Variants in SVIL observed in about 807,000 individuals in gnomAD.
The protein encoded by SVIL is archvillin.
Under a neutral mutation model 240.4 loss-of-function variants are expected in SVIL, and 101 were observed. That is an observed-to-expected ratio of 0.42 (90% CI 0.36 to 0.50). The LOEUF (loss-of-function observed/expected upper bound fraction) is 0.50. SVIL is among the 20% of genes least tolerant of loss of function. The pLI, the probability that SVIL is intolerant of heterozygous loss-of-function variation, is 0.01. For synonymous variants in SVIL, 999 were observed against 1,100.0 expected (o/e 0.91, Z 1.82); for missense variants, 2,512 against 2,818.7 (o/e 0.89, Z 2.46).
In SVIL at chr10:29,499,140, C is replaced by T. The variant is rs1360929665; in HGVS notation, c.3640G>A (p.Val1214Met). ...GAANDSTQFT[V>M]AGRMVKKGLA... ...CCTTTCTTCACCATCCTGCCAGCCA[C>T]AGTGAACTGGGTCGAGTCGTTGGCC... The change falls in exon 18 of 38, where the codon GTG (valine) becomes ATG (methionine). Residue 1214 changes from valine to methionine, a missense_variant. Physicochemically the swap from Val to Met is conservative, Grantham distance 21. Around this residue, in one of 3 missense-constraint regions of SVIL, gnomAD observed 272 missense variants for 406.8 expected, o/e 0.67. Coordinates refer to ENST00000355867, the MANE Select transcript of SVIL (RefSeq NM_021738.3). 2 of 1,612,156 alleles carry T rather than the reference C, an allele frequency of 1.2e-6. No homozygotes were observed. The highest frequency in any genetic ancestry group is 1.1e-5 in the South Asian group (1 of 90,794).
chr10:29,578,566 C>G (rs1287138905), intron 1 of SVIL, among the ~76,000 whole-genome samples: 1 of 152,192 alleles, frequency 6.6e-6, no homozygotes, highest in Non-Finnish European at 1.5e-5. Flanking sequence ...GCCCTGCCTA[C>G]CAACATTGAA....
intron 22 of SVIL, among the ~76,000 whole-genome samples, chr10:29,489,722 A>T (rs1947769801): frequency 6.6e-6 from 1 of 151,712 alleles, no homozygotes; most frequent in South Asian, 2.1e-4. Flanking sequence ...TAATTTTTTC[A>T]TTTTTTGTAG....
At chr10:29,658,864 G>A (rs1480788551) in intron 2 of SVIL, among the ~76,000 whole-genome samples, 1 of 152,200 alleles carries the variant, frequency 6.6e-6, no homozygotes, top group Admixed American at 6.6e-5. Flanking sequence ...CACGAAGTTG[G>A]ATGGAACTAA....
chr10:29,601,491 AG>A (rs1283500433), intron 1 of SVIL, among the ~76,000 whole-genome samples: 1 of 152,196 alleles, frequency 6.6e-6, no homozygotes, highest in African/African-American at 2.4e-5. Context: ...GTTCTAGGAG[AG>A]GTTTAAGCCT....
chr10:29,729,566 T>C (rs943417019), intron 1 of SVIL, among the ~76,000 whole-genome samples: 2 of 150,692 alleles, frequency 1.3e-5, no homozygotes, highest in Non-Finnish European at 2.9e-5. Flanking sequence ...CCGGGTGCGG[T>C]GGCTCACACC....
At chr10:29,529,202 A>T (rs1295447365) in intron 12 of SVIL, among the ~76,000 whole-genome samples, 2 of 145,110 alleles carry the variant, frequency 1.4e-5, no homozygotes, top group Non-Finnish European at 3.1e-5. Context: ...AAAAAAAAAA[A>T]AGAAAAAAAG....
At chr10:29,518,124 A>C (rs896553445) in intron 16 of SVIL, among the ~76,000 whole-genome samples, 6 of 152,228 alleles carry the variant, frequency 3.9e-5, no homozygotes, top group African/African-American at 1.2e-4. Flanking sequence ...TGTGGTGATC[A>C]CGTCTGCAAT....
At chr10:29,605,620 G>C (rs1956990117) in intron 1 of SVIL, among the ~76,000 whole-genome samples, 2 of 149,634 alleles carry the variant, frequency 1.3e-5, no homozygotes, top group East Asian at 3.9e-4. Flanking sequence ...CCATTTGTTT[G>C]TGATGTGAGT....
intron 27 of SVIL, among the ~76,000 whole-genome samples, chr10:29,482,141 G>A (rs1473046140): frequency 6.6e-6 from 1 of 150,400 alleles, no homozygotes; most frequent in African/African-American, 2.4e-5. Flanking sequence ...TGATCCTCCT[G>A]CCTCAGCCTT....
At chr10:29,610,609 C>T (rs761444393) in intron 1 of SVIL, among the ~76,000 whole-genome samples, 32 of 152,138 alleles carry the variant, frequency 2.1e-4, no homozygotes, top group African/African-American at 5.8e-4. Context: ...TTAGTAGAGA[C>T]GAGGTTTCAC....
At chr10:29,593,628 T>A (rs189210814) in intron 1 of SVIL, among the ~76,000 whole-genome samples, 16 of 152,292 alleles carry the variant, frequency 1.1e-4, no homozygotes, top group Admixed American at 9.2e-4. Flanking sequence ...CACCTCTAAT[T>A]CAAACCTTCT....
At chr10:29,581,401 T>G (rs1443545397) in intron 1 of SVIL, among the ~76,000 whole-genome samples, 1 of 152,198 alleles carries the variant, frequency 6.6e-6, no homozygotes, top group African/African-American at 2.4e-5. Context: ...CTGTGAATTT[T>G]GGTTAGTGGT....
rs146446036 is a variant in SVIL at position 29,529,705 on chromosome 10, G to T, written c.2246C>A (p.Thr749Asn). The part of the protein sequence containing the change: ...ITTEEVVIAA[T>N]EPIPASCSGG... Reference sequence around the variant, plus strand: ...GCTGAGAAGTCCTGTGGGCACTTACGTGGCTGCGATGACCACCTCTTCAGT... The same window carrying T: ...GCTGAGAAGTCCTGTGGGCACTTACTTGGCTGCGATGACCACCTCTTCAGT... Residue 749 changes from threonine to asparagine, a missense_variant and splice_region_variant, in exon 12 of 38, where the codon ACT becomes AAT. Thr to Asn is a moderately conservative substitution (Grantham distance 65). This residue lies in a region of SVIL where 1,443 missense variants were observed against 1,486.6 expected (regional missense o/e 0.97). Transcript: ENST00000355867. 4.4e-6 allele frequency: 7 copies of T among 1,599,960 alleles called. No individual in the cohort carries two copies.
At chr10:29,635,766 G>A (rs1958288470), upstream of SVIL, among the ~76,000 whole-genome samples, 2 of 152,058 alleles carry the variant, frequency 1.3e-5, no homozygotes, top group Non-Finnish European at 2.9e-5. Flanking sequence ...TGTCCCTGTC[G>A]GTACCAAGAA....
At chr10:29,498,290 G>A (rs150409352) in intron 18 of SVIL, among the ~76,000 whole-genome samples, 8 of 151,074 alleles carry the variant, frequency 5.3e-5, no homozygotes, top group African/African-American at 1.7e-4. Context: ...TGGTGGTGGC[G>A]GCCTGTAATC....
chr10:29,572,777 A>AAAAG (rs1554860639), intron 1 of SVIL, among the ~76,000 whole-genome samples: 5 of 149,742 alleles, frequency 3.3e-5, no homozygotes, highest in African/African-American at 9.8e-5. Flanking sequence ...AAAAAAAAAA[A>AAAAG]AAAAGAAAAA....
At chr10:29,700,468 C>CTTTTTTTTTTT (rs71281545) in intron 1 of SVIL, among the ~76,000 whole-genome samples, 1 of 113,106 alleles carries the variant, frequency 8.8e-6, no homozygotes, top group Non-Finnish European at 1.7e-5. Context: ...TTACTATTTC[C>CTTTTTTTTTTT]TTTTTTTTTT....
intron 1 of SVIL, among the ~76,000 whole-genome samples, chr10:29,686,884 TA>T (rs150319984): frequency 0.017 from 2,624 of 152,284 alleles, 73 homozygotes; most frequent in African/African-American, 0.058. Flanking sequence ...AAATCATGAC[TA>T]AAATTGTTTT....
At chr10:29,469,907 G>A (rs1242547697) in intron 32 of SVIL, among the ~76,000 whole-genome samples, 2 of 152,164 alleles carry the variant, frequency 1.3e-5, no homozygotes, top group East Asian at 3.9e-4. Flanking sequence ...TCTGGCAAAC[G>A]AAAACTCCAC....
Sources: gnomAD v4.1 joint callset for allele counts (sites outside exome capture counted in the v4.1 genomes callset) on GRCh38, gnomAD v4.1.1 for gene constraint, gnomAD v4.1.1 regional missense constraint, MANE v1.5 for transcripts, NCBI Gene and HGNC (gene_info 2026-07-23, HGNC 2026-07-21) for gene names.